Variants in NLRP1 observed in about 807,000 individuals in gnomAD.
NLRP1 encodes the protein NACHT, LRR and PYD domains-containing protein 1.
In NLRP1, 94 loss-of-function variants were observed where a neutral mutation model predicts 136.7. The observed-to-expected ratio is 0.69, with a 90% CI of 0.58 to 0.82. NLRP1 has a LOEUF of 0.82. NLRP1 is among the 40% of genes least tolerant of loss of function. The pLI, the probability that NLRP1 is intolerant of heterozygous loss-of-function variation, is 0.00. For synonymous variants in NLRP1, 690 were observed against 725.1 expected, an observed-to-expected ratio of 0.95 and a Z score of 0.78; for missense variants, 1,575 against 1,802.7, an observed-to-expected ratio of 0.87 and a Z score of 2.29.
At position 5,515,038 on chromosome 17, in the gene NLRP1, G is replaced by T; in HGVS notation, c.4138C>A (p.His1380Asn). 1 of 1,614,172 alleles carries T rather than the reference G, an allele frequency of 6.2e-7. No individual in the cohort carries two copies. The highest frequency in any genetic ancestry group is 8.5e-7 in the Non-Finnish European group (1 of 1,180,030). The stretch of plus-strand genomic sequence containing the variant: ...TGCTCTCGATACTGGTCCACAAAGT[G>T]CAGCAACTGCGGGGCATCCAGAGGT... ...PSPLDAPQLLHFVDQYREQLI... is the reference protein window; with the variant it reads ...PSPLDAPQLLNFVDQYREQLI... The change falls in exon 17 of 17, where the codon CAC becomes AAC. Residue 1380 changes from histidine to asparagine, a missense_variant. Physicochemically the swap from His to Asn is moderately conservative, Grantham distance 68. Coordinates refer to ENST00000572272, the MANE Select transcript of NLRP1 (RefSeq NM_033004.4).
intron 5 of NLRP1, among the ~76,000 whole-genome samples, chr17:5,547,519 G>A (rs908861120): frequency 1.3e-5 from 2 of 152,200 alleles, no homozygotes; most frequent in African/African-American, 4.8e-5. Flanking sequence ...AGTTGTCCCT[G>A]CTCTGCCATT....
intron 3 of NLRP1, among the ~76,000 whole-genome samples, chr17:5,562,300 G>A (rs928705759): frequency 1.3e-5 from 2 of 152,262 alleles, no homozygotes; most frequent in African/African-American, 2.4e-5. Context: ...AAGCAGGGAA[G>A]AGCCCTCATT....
Position 5,537,747 on chromosome 17 carries a change from GGT to G in NLRP1, c.2871-809_2871-808del, listed in dbSNP as rs1911276013. On this transcript the variant is annotated intron_variant, in intron 7 of 16. Transcript: ENST00000572272. The surrounding 1 kb of genome is among the most constrained non-coding windows in gnomAD (Gnocchi z 4.5). ...AAGTCCCGGCTCCAGGAGGGAAGGA[GGT>G]GGAAACCTACTCGGGACTCTAGAGA... Among the ~76,000 whole-genome samples the G allele has an allele frequency of 6.6e-6, 1 of 152,228 alleles. No homozygotes were observed. Among genetic ancestry groups the G allele is most frequent in the Non-Finnish European group, 1.5e-5 (1 of 68,042 alleles).
At chr17:5,539,288 C>T (rs900533634) in intron 7 of NLRP1, 127 bp downstream of exon 7, 6 of 792,006 alleles carry the variant, frequency 7.6e-6, no homozygotes, top group East Asian at 5.8e-5. Context: ...CCAAGTCACA[C>T]AGTGTAAGTG....
intron 15 of NLRP1, chr17:5,502,659 G>A (rs1306347860): frequency 6.6e-6 from 1 of 152,610 alleles, no homozygotes; most frequent in African/African-American, 2.4e-5. Flanking sequence ...TTTAGGTGGA[G>A]TGAAAGAATG....
At position 5,532,809 on chromosome 17, in the gene NLRP1, C is replaced by T. The variant is rs1225940951; in HGVS notation, c.3296+13G>A. Reference sequence around the variant, plus strand: ...GGAGGCCAGCCTGGGACCAGCAGAGCCCCCTCACTCACCGGTACAAGTTCT... The same window carrying T: ...GGAGGCCAGCCTGGGACCAGCAGAGTCCCCTCACTCACCGGTACAAGTTCT... On this transcript the variant is annotated intron_variant, in intron 11 of 16. Coordinates refer to ENST00000572272, the MANE Select transcript of NLRP1 (RefSeq NM_033004.4). The T allele has an allele frequency of 1.3e-6, 2 of 1,582,524 alleles. No individual in the cohort carries two copies. Among genetic ancestry groups the T allele is most frequent in the East Asian group, 2.3e-5 (1 of 43,560 alleles).
chr17:5,530,730 A>C (rs1396016630), intron 11 of NLRP1, 26 bp from the exon 12 acceptor site: 1 of 1,578,500 alleles, frequency 6.3e-7, no homozygotes, highest in Non-Finnish European at 8.7e-7. Flanking sequence ...AGAGGCAGAC[A>C]CTTACTGCAC....
intron 12 of NLRP1, among the ~76,000 whole-genome samples, chr17:5,524,141 G>A (rs1909242315): frequency 6.6e-6 from 1 of 152,190 alleles, no homozygotes; most frequent in South Asian, 2.1e-4. Context: ...TTGAACTCCT[G>A]ACCTTAGGTG....
intron 3 of NLRP1, among the ~76,000 whole-genome samples, chr17:5,571,167 A>C (rs1915825473): frequency 6.6e-6 from 1 of 152,232 alleles, no homozygotes; most frequent in African/African-American, 2.4e-5. Flanking sequence ...TGAATGGGCA[A>C]AAGCTGGAAG....
In NLRP1 at chr17:5,514,750, T is replaced by C. The variant is rs750924447; in HGVS notation, c.*4A>G. 1.2e-6 allele frequency: 2 copies of C among 1,613,844 alleles called. No homozygotes were observed. The highest frequency in any genetic ancestry group is 4.5e-5 in the East Asian group (2 of 44,858). On this transcript the variant is annotated 3_prime_UTR_variant, in exon 17 of 17. Transcript: ENST00000572272. ...CTCAAGGGTCAAGGGCTGGTGTTGA[T>C]ACTTCAGCTGCTGAGTGGCAGGAGT... is the stretch of plus-strand genomic sequence containing the variant.
At chr17:5,512,568 T>C (rs1369079618), downstream of NLRP1, 5 of 533,586 alleles carry the variant, frequency 9.4e-6, no homozygotes, top group Non-Finnish European at 1.8e-5. Flanking sequence ...GAGGTCTGCA[T>C]GTGGTAAAGG....
At chr17:5,539,998 C>T (rs897662402) in intron 6 of NLRP1, among the ~76,000 whole-genome samples, 24 of 152,206 alleles carry the variant, frequency 1.6e-4, no homozygotes, top group South Asian at 4.1e-4. Flanking sequence ...CGTGCCCGGC[C>T]GGTAGGGCCT....
intron 12 of NLRP1, among the ~76,000 whole-genome samples, chr17:5,524,814 G>T (rs767848960): frequency 7.9e-5 from 12 of 152,214 alleles, no homozygotes; most frequent in Non-Finnish European, 1.3e-4. Context: ...TCCAGAAGGT[G>T]CTGGGTGTCT....
At chr17:5,512,896 A>G (rs982524144), downstream of NLRP1, among the ~76,000 whole-genome samples, 6 of 152,172 alleles carry the variant, frequency 3.9e-5, no homozygotes, top group Non-Finnish European at 7.4e-5. Context: ...ACCGCATCTT[A>G]TCAGTGGAGT....
intron 5 of NLRP1, among the ~76,000 whole-genome samples, chr17:5,552,795 A>G (rs11078573): frequency 0.074 from 11,283 of 152,200 alleles, 548 homozygotes; most frequent in African/African-American, 0.13. Context: ...AACTATTACC[A>G]TCTTTGCAGG....
At chr17:5,536,514 G>A (rs1265591663) in intron 8 of NLRP1, among the ~76,000 whole-genome samples, 2 of 145,090 alleles carry the variant, frequency 1.4e-5, no homozygotes, top group Admixed American at 7.1e-5. Flanking sequence ...GCAGTAGCGC[G>A]ATCTTGGCTC....
intron 15 of NLRP1, chr17:5,502,289 T>TC (rs1555540084): frequency 0.057 from 9,604 of 169,510 alleles, 543 homozygotes; most frequent in African/African-American, 0.17. Context: ...ATGGTGCAGT[T>TC]CCTTTTTTTT....
intron 15 of NLRP1, among the ~76,000 whole-genome samples, chr17:5,516,350 A>C (rs1908115517): frequency 6.6e-6 from 1 of 152,198 alleles, no homozygotes; most frequent in Non-Finnish European, 1.5e-5. Flanking sequence ...ATGGCAAAGA[A>C]TTTACAAACC....
chr17:5,547,306 C>T (rs900320707), intron 5 of NLRP1, among the ~76,000 whole-genome samples: 3 of 152,074 alleles, frequency 2.0e-5, no homozygotes, highest in Admixed American at 1.3e-4. Context: ...ACATAGCATA[C>T]ATGATCTCCT....
Sources: allele counts gnomAD v4.1 joint callset (sites outside exome capture counted in the v4.1 genomes callset), GRCh38; gene constraint gnomAD v4.1.1; non-coding constraint Gnocchi (gnomAD v3.1); transcripts MANE v1.5; gene names NCBI Gene and HGNC (gene_info 2026-07-23, HGNC 2026-07-21).